BLOC1S5: variants seen among roughly 807,000 people sequenced by gnomAD.
BLOC1S5 encodes the protein biogenesis of lysosome-related organelles complex 1 subunit 5.
A neutral mutation model predicts 24.3 loss-of-function variants in BLOC1S5; 27 were observed. The observed-to-expected ratio is 1.11, with a 90% confidence interval of 0.82 to 1.53. BLOC1S5 has a LOEUF of 1.53. BLOC1S5 is among the 40% of genes most tolerant of loss of function. The pLI, the probability that BLOC1S5 is intolerant of heterozygous loss-of-function variation, is 0.00. For synonymous variants in BLOC1S5, 84 were observed against 74.5 expected (o/e 1.13, Z -0.66); for missense variants, 239 against 229.4 (o/e 1.04, Z -0.27).
intron 3 of BLOC1S5, among the ~76,000 whole-genome samples, chr6:8,028,920 A>C (rs1303806528): frequency 6.6e-6 from 1 of 152,092 alleles, no homozygotes; most frequent in Non-Finnish European, 1.5e-5. Flanking sequence ...CTCAGTACGA[A>C]GTCATTTCCC....
At position 8,013,845 on chromosome 6, in the gene BLOC1S5, A is replaced by C. The variant is rs1173981630; in HGVS notation, c.*1804T>G. On this transcript the variant is annotated 3_prime_UTR_variant, in exon 5 of 5. Transcript: ENST00000397457. ...CCATCCACTGAATTAAGAAAATTCC[A>C]ACATGCCTTGGTGTCAGCAAGTGCG... The C allele has an allele frequency of 2.0e-5, 3 of 152,222 alleles. No individual in the cohort carries two copies. Among genetic ancestry groups the C allele is most frequent in the African/African-American group, 4.8e-5 (2 of 41,460 alleles). 9.4% of individuals were successfully genotyped at this position (152,222 alleles called of 1,614,324 possible). A position where few individuals can be genotyped will look rare whatever the true frequency, so the allele number is the denominator to read the frequency against.
intron 4 of BLOC1S5, among the ~76,000 whole-genome samples, chr6:8,016,829 T>G (rs1313612969): frequency 7.3e-6 from 1 of 137,146 alleles, no homozygotes; most frequent in Non-Finnish European, 1.5e-5. Context: ...TGCAGTGAGA[T>G]GAGCACGCCA....
intron 2 of BLOC1S5, among the ~76,000 whole-genome samples, chr6:8,042,338 T>C (rs764415704): frequency 4.6e-5 from 7 of 152,236 alleles, no homozygotes; most frequent in Non-Finnish European, 1.0e-4. Flanking sequence ...GTAAAAGTAA[T>C]ATGTAGATAC....
At chr6:8,046,015 G>T (rs7745644) in intron 2 of BLOC1S5, among the ~76,000 whole-genome samples, 23,771 of 152,054 alleles carry the variant, frequency 0.16, 1,922 homozygotes, top group Admixed American at 0.19. Flanking sequence ...GCCAAAGGTG[G>T]AATTATATGG....
At chr6:8,049,386 A>G (rs952086924) in intron 2 of BLOC1S5, among the ~76,000 whole-genome samples, 1 of 151,374 alleles carries the variant, frequency 6.6e-6, no homozygotes, top group African/African-American at 2.4e-5. Context: ...AAAAAAAGAA[A>G]GGAAAGAAAG....
chr6:8,051,969 CTTT>C (rs770301308), intron 2 of BLOC1S5, among the ~76,000 whole-genome samples: 1 of 110,036 alleles, frequency 9.1e-6, no homozygotes, highest in African/African-American at 3.3e-5. Flanking sequence ...ACATCCATGC[CTTT>C]TTTTTTTTTT....
chr6:8,058,784 T>C (rs7773704), intron 2 of BLOC1S5, among the ~76,000 whole-genome samples: 4,774 of 152,286 alleles, frequency 0.031, 236 homozygotes, highest in African/African-American at 0.1. Flanking sequence ...AAGCTGACGT[T>C]ATAGGGCCAC....
In BLOC1S5 at chr6:8,026,441, C is replaced by T. The variant is rs372511269; in HGVS notation, c.326-16G>A. ...GCTGCTTGCACTGAAATGAAAAAGA[C>T]ATGGGTTTTCAGTCAGCAGACCATG... On this transcript the variant is annotated splice_polypyrimidine_tract_variant and intron_variant, in intron 3 of 4. Coordinates refer to ENST00000397457, the MANE Select transcript of BLOC1S5 (RefSeq NM_201280.3). 9.9e-6 allele frequency: 16 copies of T among 1,609,104 alleles called. No homozygotes were observed. Among genetic ancestry groups the T allele is most frequent in the Non-Finnish European group, 1.4e-5 (16 of 1,176,358 alleles).
intron 3 of BLOC1S5, among the ~76,000 whole-genome samples, chr6:8,036,582 C>G (rs1163022048): frequency 6.6e-6 from 1 of 151,996 alleles, no homozygotes; most frequent in East Asian, 1.9e-4. Context: ...TGCTGAATTC[C>G]AGCAAACATT....
chr6:8,047,319 T>C (rs1763941325), intron 2 of BLOC1S5, among the ~76,000 whole-genome samples: 1 of 151,942 alleles, frequency 6.6e-6, no homozygotes, highest in Admixed American at 6.6e-5. Context: ...GCAATCCTCC[T>C]ACCTCAGCCT....
intron 3 of BLOC1S5, among the ~76,000 whole-genome samples, chr6:8,038,748 T>C (rs985501572): frequency 2.6e-5 from 4 of 152,242 alleles, no homozygotes; most frequent in African/African-American, 9.6e-5. Flanking sequence ...CCTCCCAAAG[T>C]GCTGGGATTA....
intron 4 of BLOC1S5, among the ~76,000 whole-genome samples, chr6:8,022,196 A>C: frequency 6.7e-6 from 1 of 150,226 alleles, no homozygotes; most frequent in East Asian, 1.9e-4. Flanking sequence ...CTTCCCCAGG[A>C]GATTGTTGGT....
At chr6:8,058,242 G>A (rs200408174) in intron 2 of BLOC1S5, among the ~76,000 whole-genome samples, 4 of 151,760 alleles carry the variant, frequency 2.6e-5, no homozygotes, top group East Asian at 3.9e-4. Context: ...CTTGTAGGCC[G>A]AGCATGGTGG....
intron 2 of BLOC1S5, among the ~76,000 whole-genome samples, chr6:8,057,297 G>A (rs72820104): frequency 0.16 from 23,785 of 152,176 alleles, 1,933 homozygotes; most frequent in Admixed American, 0.18. Flanking sequence ...AAAGACGTTA[G>A]AAAGTCTCTT....
intron 4 of BLOC1S5, among the ~76,000 whole-genome samples, chr6:8,018,808 C>T (rs1050565980): frequency 6.6e-6 from 1 of 152,182 alleles, no homozygotes. Flanking sequence ...ACTTTTATCC[C>T]CTTGCCATTT....
intron 4 of BLOC1S5, among the ~76,000 whole-genome samples, chr6:8,019,968 T>G (rs889997421): frequency 6.6e-6 from 1 of 152,098 alleles, no homozygotes; most frequent in Admixed American, 6.6e-5. Context: ...TACAAAAACT[T>G]AAAACACACA....
intron 3 of BLOC1S5, among the ~76,000 whole-genome samples, chr6:8,029,342 T>C (rs1470808055): frequency 6.6e-6 from 1 of 152,122 alleles, no homozygotes; most frequent in Non-Finnish European, 1.5e-5. Context: ...CTCTGTAACA[T>C]TCCTTCCCCA....
intron 3 of BLOC1S5, chr6:8,027,170 C>T (rs923168556): frequency 4.7e-5 from 15 of 320,060 alleles, no homozygotes; most frequent in African/African-American, 1.7e-4. Context: ...CTTTTCACCG[C>T]CAGATGCATT....
In BLOC1S5 at chr6:8,013,737, A is replaced by G. The variant is rs1330325378; in HGVS notation, c.*1912T>C. Reference sequence around the variant, plus strand: ...GTTGGCAATTAATCGCATTCCAAAAAGTGTCTACGGTACAAAGGGAATTTT... The same window carrying G: ...GTTGGCAATTAATCGCATTCCAAAAGGTGTCTACGGTACAAAGGGAATTTT... On this transcript the variant is annotated 3_prime_UTR_variant, in exon 5 of 5. Coordinates refer to ENST00000397457, the MANE Select transcript of BLOC1S5 (RefSeq NM_201280.3). 6 of 152,224 alleles carry G rather than the reference A, an allele frequency of 3.9e-5. No homozygotes were observed. Among genetic ancestry groups the G allele is most frequent in the Non-Finnish European group, 8.8e-5 (6 of 68,038 alleles). 9.4% of individuals were successfully genotyped at this position (152,224 alleles called of 1,614,324 possible). A position where few individuals can be genotyped will look rare whatever the true frequency, so the allele number is the denominator to read the frequency against.
Sources: allele counts gnomAD v4.1 joint callset (sites outside exome capture counted in the v4.1 genomes callset), GRCh38; gene constraint gnomAD v4.1.1; transcripts MANE v1.5; gene names NCBI Gene and HGNC (gene_info 2026-07-23, HGNC 2026-07-21).